SWT1: variants seen among roughly 807,000 people sequenced by gnomAD.
SWT1 encodes SWT1 RNA endoribonuclease homolog.
A neutral mutation model predicts 107.3 loss-of-function variants in SWT1; 33 were observed. That is an observed-to-expected ratio of 0.31 (90% CI 0.23 to 0.41). The LOEUF is 0.41. SWT1 is among the 10% of genes least tolerant of loss of function. The pLI is 1.00. For missense variants in SWT1, 898 were observed against 1,028.9 expected (o/e 0.87, Z 1.74); for synonymous variants, 345 against 348.3 (o/e 0.99, Z 0.11).
chr1:185,285,922 T>C (rs1195209144), intron 18 of SWT1, among the ~76,000 whole-genome samples: 1 of 152,242 alleles, frequency 6.6e-6, no homozygotes, highest in East Asian at 1.9e-4. Flanking sequence ...TGTCTGTCTG[T>C]CTGCTCATAC....
In SWT1 at chr1:185,164,292, A is replaced by C. The variant is rs151331039; in HGVS notation, c.85-2280A>C. Among the ~76,000 whole-genome samples, 3 of 152,120 alleles carry C rather than the reference A, an allele frequency of 2.0e-5. No individual in the cohort carries two copies. In the East Asian group the frequency reaches 5.8e-4, roughly 29 times the overall value. ...GTTGTTTCATTTCTAGAGCACAGGCAGAGTAGATTTAACATCATTCTTAAG... is the reference window on the plus strand; with the variant it reads ...GTTGTTTCATTTCTAGAGCACAGGCCGAGTAGATTTAACATCATTCTTAAG... On this transcript the variant is annotated intron_variant, in intron 2 of 18. Transcript: ENST00000367500.
chr1:185,271,240 G>T, intron 16 of SWT1, 83 bp from the exon 17 acceptor site: 1 of 729,888 alleles, frequency 1.4e-6, no homozygotes, highest in Non-Finnish European at 2.5e-6. Flanking sequence ...TTGTGGTATG[G>T]GTATGTTTTG....
At position 185,213,831 on chromosome 1, in the gene SWT1, T is replaced by TTG. The variant is rs1396525317; in HGVS notation, c.1973-676_1973-675insTG. ...TTTCCCAACTAGTTTGAGAAGTTAA[T>TTG]GTAATTAGTTTTAGTTCCTTGAGAT... On this transcript the variant is annotated intron_variant, in intron 13 of 18. Transcript: ENST00000367500. Among the ~76,000 whole-genome samples, 3 of 152,200 alleles carry TTG rather than the reference T, an allele frequency of 2.0e-5. No homozygotes were observed. The East Asian group carries it at 5.8e-4, about 29-fold the overall frequency.
chr1:185,216,561 A>G (rs80282145), intron 14 of SWT1, among the ~76,000 whole-genome samples: 181 of 152,360 alleles, frequency 1.2e-3, no homozygotes, highest in African/African-American at 4.2e-3. Flanking sequence ...AAAAACCTAC[A>G]GATGGGAGGT....
intron 6 of SWT1, among the ~76,000 whole-genome samples, chr1:185,181,547 C>T (rs1343182154): frequency 1.3e-5 from 2 of 152,114 alleles, no homozygotes; most frequent in East Asian, 3.9e-4. Flanking sequence ...AAATTTGACT[C>T]CTAAAATGAA....
chr1:185,158,472 A>G (rs778582082), intron 1 of SWT1, among the ~76,000 whole-genome samples: 2 of 151,156 alleles, frequency 1.3e-5, no homozygotes, highest in Non-Finnish European at 2.9e-5. Flanking sequence ...AATGCTAACT[A>G]TATCTGTGCA....
At chr1:185,168,726 A>AT (rs1488277514) in intron 4 of SWT1, among the ~76,000 whole-genome samples, 1 of 152,188 alleles carries the variant, frequency 6.6e-6, no homozygotes, top group Non-Finnish European at 1.5e-5. Flanking sequence ...TAATTTAGAG[A>AT]TTTTGGATAA....
rs1286850998 is a variant in SWT1, at chr1:185,161,066, G to A, written c.84+141G>A. ...TCCAGGAAAAGTCATTTGCTTTTCC[G>A]GTTTTTTACTTGCATTGTTTTATTT... On this transcript the variant is annotated intron_variant, in intron 2 of 18. Transcript: ENST00000367500. 1.1e-5 allele frequency: 7 copies of A among 639,562 alleles called. No individual in the cohort carries two copies. In the African/African-American group the frequency reaches 1.1e-4, roughly 10 times the overall value. The allele number at this position is 639,562 out of a possible 1,614,324, so 39.6% of individuals were successfully genotyped here. A position where few individuals can be genotyped will look rare whatever the true frequency, so the allele number is the denominator to read the frequency against.
At chr1:185,200,573 G>C (rs2102445326) in intron 10 of SWT1, among the ~76,000 whole-genome samples, 1 of 152,314 alleles carries the variant, frequency 6.6e-6, no homozygotes, top group Middle Eastern at 3.4e-3. Flanking sequence ...GGTATCACCA[G>C]CAGAGGCTGC....
chr1:185,163,683 C>T lies in SWT1; in HGVS notation c.84+2758C>T, dbSNP rs751928647. Among the ~76,000 whole-genome samples the T allele has an allele frequency of 1.1e-4, 16 of 152,244 alleles. 1 individual carries two copies. The East Asian group carries it at 2.9e-3, about 28-fold the overall frequency. ...TGCTGGGATTACAGGCGTGAGCCAC[C>T]GCACCCAGCCCCCATTAAAGTTTTA... On this transcript the variant is annotated intron_variant, in intron 2 of 18. Coordinates refer to ENST00000367500, the MANE Select transcript of SWT1 (RefSeq NM_017673.7).
At chr1:185,265,554 T>G (rs925427051) in intron 16 of SWT1, among the ~76,000 whole-genome samples, 2 of 152,234 alleles carry the variant, frequency 1.3e-5, no homozygotes, top group Non-Finnish European at 2.9e-5. Flanking sequence ...GTCACTGTAT[T>G]AAAATGAGAA....
In SWT1 at chr1:185,221,886, C is replaced by T; in HGVS notation, c.2159C>T (p.Thr720Ile). Residue 720 changes from threonine to isoleucine, a missense_variant, in exon 15 of 19, where the codon ACA (threonine) becomes ATA (isoleucine). Thr to Ile is a moderately conservative substitution (Grantham distance 89). Around this residue, in one of 6 missense-constraint regions of SWT1, gnomAD observed 382 missense variants for 460.0 expected, o/e 0.83. Transcript: ENST00000367500. ...TKLKPNSSEN[T>I]VTKKQEGTSL... The stretch of plus-strand genomic sequence containing the variant: ...CTTAAGCCAAATTCTTCAGAAAACA[C>T]AGTGACTAAAAAGCAGGAAGGTACT... The T allele has an allele frequency of 6.2e-7, 1 of 1,604,428 alleles. No homozygotes were observed. Among genetic ancestry groups the T allele is most frequent in the East Asian group, 2.2e-5 (1 of 44,648 alleles).
At chr1:185,269,009 C>T (rs939897821) in intron 16 of SWT1, among the ~76,000 whole-genome samples, 11 of 151,992 alleles carry the variant, frequency 7.2e-5, no homozygotes, top group South Asian at 2.1e-4. Flanking sequence ...CCCGCCACTA[C>T]GCCCGGCTAA....
chr1:185,186,350 T>A (rs1428255949), intron 9 of SWT1, among the ~76,000 whole-genome samples: 3 of 152,162 alleles, frequency 2.0e-5, no homozygotes, highest in Non-Finnish European at 4.4e-5. Context: ...ATTGGTAACT[T>A]TGTAGAAGAG....
intron 13 of SWT1, among the ~76,000 whole-genome samples, chr1:185,209,618 C>G (rs967980535): frequency 6.6e-6 from 1 of 152,156 alleles, no homozygotes; most frequent in Non-Finnish European, 1.5e-5. Flanking sequence ...TTTATCCACT[C>G]TATCATTGAA....
chr1:185,165,374 C>T lies in SWT1; in HGVS notation c.85-1198C>T, dbSNP rs144930350. Among the ~76,000 whole-genome samples, 238 of 152,194 alleles carry T rather than the reference C, an allele frequency of 1.6e-3. 1 individual carries two copies. Among genetic ancestry groups the T allele is most frequent in the African/African-American group, 5.5e-3 (228 of 41,526 alleles). On this transcript the variant is annotated intron_variant, in intron 2 of 18. Transcript: ENST00000367500. ...ATGGTGCTAATAGACTTGCCATAAA[C>T]CTTCAATTTGTAAATAATGCAATTA...
At chr1:185,244,890 A>G (rs1661497464) in intron 16 of SWT1, among the ~76,000 whole-genome samples, 1 of 152,102 alleles carries the variant, frequency 6.6e-6, no homozygotes, top group Non-Finnish European at 1.5e-5. Flanking sequence ...AGAGTAGTCT[A>G]GGCAACATAG....
At chr1:185,159,955 C>T (rs879048874) in intron 1 of SWT1, among the ~76,000 whole-genome samples, 3 of 152,212 alleles carry the variant, frequency 2.0e-5, no homozygotes, top group African/African-American at 4.8e-5. Context: ...AACTCCTGAC[C>T]TCAGGTGATC....
At chr1:185,168,807 G>T (rs1030773911) in intron 4 of SWT1, among the ~76,000 whole-genome samples, 9 of 152,128 alleles carry the variant, frequency 5.9e-5, no homozygotes, top group African/African-American at 2.2e-4. Flanking sequence ...AAACCGTGTT[G>T]ATTAACCAGT....
Sources: allele counts gnomAD v4.1 joint callset (sites outside exome capture counted in the v4.1 genomes callset), GRCh38; gene constraint gnomAD v4.1.1; regional missense constraint gnomAD v4.1.1; transcripts MANE v1.5; gene names NCBI Gene and HGNC (gene_info 2026-07-23, HGNC 2026-07-21).